The following RBFOX1 variants were observed in gnomAD, a reference collection of about 807,000 sequenced individuals.
RBFOX1 encodes the protein RNA binding fox-1 homolog 1, also known as RNA binding protein fox-1 homolog 1.
RBFOX1 carries 8 observed loss-of-function variants against 57.7 expected under a neutral mutation model. The observed-to-expected ratio is 0.14, with a 90% confidence interval of 0.08 to 0.25. The LOEUF (loss-of-function observed/expected upper bound fraction) is 0.25, where lower values mean the gene tolerates loss of function less well. Among genes scored for constraint, RBFOX1 ranks in the 10% least tolerant of loss-of-function variants. The probability of loss-of-function intolerance (pLI) is 1.00; values close to 1 mark genes in which losing one functional copy is unlikely to be tolerated. For synonymous variants in RBFOX1, 326 were observed against 222.4 expected (o/e 1.47, Z -4.15); for missense variants, 611 against 548.5 (o/e 1.11, Z -1.14).
chr16:6,166,991 T>A (rs907327630), intron 1 of RBFOX1, among the ~76,000 whole-genome samples: 3 of 152,146 alleles, frequency 2.0e-5, no homozygotes, highest in Non-Finnish European at 4.4e-5. Flanking sequence ...GCTAGGCTGG[T>A]CTCAAACTCC....
intron 3 of RBFOX1, among the ~76,000 whole-genome samples, chr16:5,660,605 T>C (rs1041950968): frequency 6.6e-6 from 1 of 152,218 alleles, no homozygotes. Context: ...TGCCGTTTGC[T>C]CTGTTTAGAT....
chr16:5,643,521 A>C (rs2048948821), intron 3 of RBFOX1, among the ~76,000 whole-genome samples: 1 of 152,154 alleles, frequency 6.6e-6, no homozygotes, highest in African/African-American at 2.4e-5. Flanking sequence ...CAGCCTAGGA[A>C]AATCCAGATG....
chr16:7,300,211 T>G (rs75208110), intron 4 of RBFOX1, among the ~76,000 whole-genome samples: 2,120 of 152,256 alleles, frequency 0.014, 23 homozygotes, highest in Middle Eastern at 0.048. Context: ...ACTTACTTTC[T>G]GCTGCCCCTC....
chr16:7,412,519 A>C (rs1383739128), intron 4 of RBFOX1, among the ~76,000 whole-genome samples: 1 of 152,222 alleles, frequency 6.6e-6, no homozygotes, highest in Non-Finnish European at 1.5e-5. Flanking sequence ...CTGCAATTAA[A>C]ATTTTATTTT....
At chr16:6,560,504 G>T (rs1894860) in intron 2 of RBFOX1, among the ~76,000 whole-genome samples, 3 of 152,062 alleles carry the variant, frequency 2.0e-5, no homozygotes, top group African/African-American at 7.3e-5. Flanking sequence ...GAGAGTAGCC[G>T]TCTGTTCAAG....
intron 4 of RBFOX1, among the ~76,000 whole-genome samples, chr16:7,381,369 A>C (rs879837118): frequency 4.6e-5 from 7 of 152,208 alleles, no homozygotes; most frequent in Admixed American, 2.6e-4. Flanking sequence ...ATTAGAAAGA[A>C]AACCATATTT....
At position 6,869,477 on chromosome 16, in the gene RBFOX1, T is replaced by C. The variant is rs199950131; in HGVS notation, c.-15-182580T>C. On this transcript the variant is annotated intron_variant, in intron 3 of 15. Coordinates refer to ENST00000550418, the MANE Select transcript of RBFOX1 (RefSeq NM_018723.4). The stretch of plus-strand genomic sequence containing the variant: ...TTCCCTTACTGTCTTTTGAGGTTTT[T>C]TTTTTTTAATGTAAATGCCCTGAGT... Among the ~76,000 whole-genome samples, 415 of 152,174 alleles carry C rather than the reference T, an allele frequency of 2.7e-3. 2 individuals are homozygous for C. Among genetic ancestry groups the C allele is most frequent in the African/African-American group, 8.7e-3 (363 of 41,528 alleles).
intron 14 of RBFOX1, among the ~76,000 whole-genome samples, chr16:7,683,018 A>ACG (rs1597995189): frequency 1.5e-5 from 1 of 67,988 alleles, no homozygotes; most frequent in African/African-American, 4.9e-5. Context: ...GTGTATATAT[A>ACG]TATATATATA....
chr16:6,748,024 G>C (rs2074129930), intron 3 of RBFOX1, among the ~76,000 whole-genome samples: 1 of 152,104 alleles, frequency 6.6e-6, no homozygotes, highest in Non-Finnish European at 1.5e-5. Flanking sequence ...TTGAAGGATT[G>C]TTCACCAGTA....
At chr16:7,407,559 G>C (rs2098366800) in intron 4 of RBFOX1, among the ~76,000 whole-genome samples, 1 of 152,080 alleles carries the variant, frequency 6.6e-6, no homozygotes, top group Non-Finnish European at 1.5e-5. Context: ...GGCACAGTTT[G>C]TATTTCCTGT....
rs1270561945 is a variant in RBFOX1, at chr16:6,089,077, A to AT, written c.-127+69085_-127+69086insT. 6.9e-3 allele frequency among the ~76,000 whole-genome samples: 960 copies of AT among 139,794 alleles called. 9 individuals are homozygous for AT. The highest frequency in any genetic ancestry group is 0.02 in the African/African-American group (732 of 36,102). 91.7% of individuals were successfully genotyped at this position (139,794 alleles called of 152,430 possible). A position where few individuals can be genotyped will look rare whatever the true frequency, so the allele number is the denominator to read the frequency against. On this transcript the variant is annotated intron_variant, in intron 1 of 15. Coordinates refer to ENST00000550418, the MANE Select transcript of RBFOX1 (RefSeq NM_018723.4). ...TGAAACTCTGTCTCAAAAAAAAAAA[A>AT]AATATATATATATATATATGATCCT...
chr16:5,766,660 A>C lies in RBFOX1; in HGVS notation c.319-100643A>C, dbSNP rs113508503. ...TCACTACCATGAGGACAGCACCAAG[A>C]CATGAGGGATCCCCCCCCAGGACCC... On this transcript the variant is annotated intron_variant, in intron 3 of 19. Coordinates refer to the RBFOX1 transcript ENST00000641259. Among the ~76,000 whole-genome samples the C allele has an allele frequency of 6.6e-5, 10 of 152,230 alleles. 1 individual carries two copies. Among genetic ancestry groups the C allele is most frequent in the African/African-American group, 2.2e-4 (9 of 41,558 alleles).
chr16:5,482,398 T>A (rs185421714), intron 2 of RBFOX1, among the ~76,000 whole-genome samples: 259 of 152,298 alleles, frequency 1.7e-3, no homozygotes, highest in Non-Finnish European at 2.9e-3. Flanking sequence ...TTTCTCCTGC[T>A]TCCTGCAGCC....
At chr16:6,509,393 G>A (rs1213953631) in intron 2 of RBFOX1, among the ~76,000 whole-genome samples, 1 of 152,204 alleles carries the variant, frequency 6.6e-6, no homozygotes, top group African/African-American at 2.4e-5. Context: ...CAACATAGAT[G>A]GAACTGGAGG....
intron 2 of RBFOX1, among the ~76,000 whole-genome samples, chr16:6,467,437 T>C (rs1442763434): frequency 6.6e-6 from 1 of 152,164 alleles, no homozygotes; most frequent in Non-Finnish European, 1.5e-5. Context: ...AGTTGACATA[T>C]ATTTATGTCC....
chr16:7,700,100 T>A (rs2080173424), intron 14 of RBFOX1, among the ~76,000 whole-genome samples: 1 of 152,092 alleles, frequency 6.6e-6, no homozygotes, highest in Non-Finnish European at 1.5e-5. Flanking sequence ...TTGATCTGCT[T>A]GCTTTGAGGA....
At chr16:6,858,451 G>C (rs961061334) in intron 3 of RBFOX1, among the ~76,000 whole-genome samples, 2 of 152,074 alleles carry the variant, frequency 1.3e-5, no homozygotes, top group African/African-American at 4.8e-5. Flanking sequence ...TCTCGTTATG[G>C]GAAGGACTTA....
chr16:7,431,735 A>C (rs938921270), intron 4 of RBFOX1, among the ~76,000 whole-genome samples: 1 of 152,156 alleles, frequency 6.6e-6, no homozygotes, highest in South Asian at 2.1e-4. Flanking sequence ...GGCAATTGCT[A>C]CAGAACAAAG....
intron 3 of RBFOX1, among the ~76,000 whole-genome samples, chr16:6,793,224 T>C (rs1463449871): frequency 6.6e-6 from 1 of 152,172 alleles, no homozygotes; most frequent in African/African-American, 2.4e-5. Flanking sequence ...GTACTGTTTG[T>C]TAATTTTAAG....
Sources: allele counts gnomAD v4.1 joint callset (sites outside exome capture counted in the v4.1 genomes callset), GRCh38; gene constraint gnomAD v4.1.1; transcripts MANE v1.5; gene names NCBI Gene and HGNC (gene_info 2026-07-23, HGNC 2026-07-21).